The following CABIN1 variants were observed in gnomAD, a reference collection of about 807,000 sequenced individuals.
CABIN1 encodes the protein calcineurin-binding protein cabin-1.
A neutral mutation model predicts 227.7 loss-of-function variants in CABIN1; 133 were observed. The ratio of observed to expected loss-of-function variants is 0.58; its 90% CI spans 0.51 to 0.67. CABIN1 has a LOEUF of 0.67. Ranked by LOEUF, CABIN1 falls within the 30% of genes least tolerant of loss-of-function variation. CABIN1 has a pLI of 0.00. For synonymous variants in CABIN1, 1,086 were observed against 1,155.1 expected (o/e 0.94, Z 1.21); for missense variants, 2,408 against 2,852.5 (o/e 0.84, Z 3.55).
intron 8 of CABIN1, among the ~76,000 whole-genome samples, chr22:24,054,212 C>T (rs1223462229): frequency 2.0e-5 from 3 of 152,136 alleles, no homozygotes; most frequent in Non-Finnish European, 2.9e-5. Context: ...TTGTAGCATA[C>T]CACGCAGCAT....
intron 24 of CABIN1, among the ~76,000 whole-genome samples, chr22:24,092,473 A>G (rs2041609735): frequency 6.6e-6 from 1 of 152,168 alleles, no homozygotes; most frequent in South Asian, 2.1e-4. Flanking sequence ...GTAGGCAGGA[A>G]AACCAAGGAC....
intron 8 of CABIN1, among the ~76,000 whole-genome samples, chr22:24,052,090 GC>G (rs1242894007): frequency 6.6e-6 from 1 of 152,144 alleles, no homozygotes; most frequent in Non-Finnish European, 1.5e-5. Context: ...TTTTGGAAGG[GC>G]CCTGGGGTGC....
intron 10 of CABIN1, among the ~76,000 whole-genome samples, chr22:24,057,353 T>C (rs1462660073): frequency 1.3e-5 from 2 of 152,158 alleles, no homozygotes; most frequent in African/African-American, 4.8e-5. Context: ...TACTCCCCTT[T>C]CTCCTCCCTT....
intron 12 of CABIN1, among the ~76,000 whole-genome samples, chr22:24,061,123 A>G (rs1430786644): frequency 6.6e-6 from 1 of 152,170 alleles, no homozygotes; most frequent in Non-Finnish European, 1.5e-5. Context: ...CAGAAGCTAA[A>G]TAGCGTGCTT....
chr22:24,151,735 A>C (rs890799139), intron 29 of CABIN1, among the ~76,000 whole-genome samples: 1 of 151,954 alleles, frequency 6.6e-6, no homozygotes, highest in Admixed American at 6.6e-5. Context: ...TGTTCCCCAG[A>C]TTCCCTGCAA....
intron 1 of CABIN1, among the ~76,000 whole-genome samples, chr22:24,021,883 C>T (rs527851726): frequency 1.3e-5 from 2 of 152,236 alleles, no homozygotes; most frequent in African/African-American, 4.8e-5. Flanking sequence ...TGGGGTTTCA[C>T]CATGTTGGCC....
chr22:24,153,038 C>T (rs1569290058), intron 29 of CABIN1, among the ~76,000 whole-genome samples: 1 of 152,192 alleles, frequency 6.6e-6, no homozygotes, highest in Non-Finnish European at 1.5e-5. Context: ...ATGAGGTCCC[C>T]TGGGCAGCTC....
chr22:24,051,103 C>A, intron 8 of CABIN1, 129 bp downstream of exon 8: 1 of 1,172,158 alleles, frequency 8.5e-7, no homozygotes, highest in Non-Finnish European at 1.3e-6. Flanking sequence ...GGGCTGGGTG[C>A]ACAGTGGCCA....
intron 28 of CABIN1, among the ~76,000 whole-genome samples, chr22:24,131,198 G>C (rs2148132874): frequency 6.6e-6 from 1 of 152,282 alleles, no homozygotes; most frequent in South Asian, 2.1e-4. Context: ...GATGGCTACT[G>C]GAGATGCTTC....
chr22:24,058,964 AGCACAGTGCCTG>A (rs1484024052), intron 10 of CABIN1, among the ~76,000 whole-genome samples: 1 of 152,234 alleles, frequency 6.6e-6, no homozygotes, highest in Non-Finnish European at 1.5e-5. Context: ...TTTGGTGCCT[AGCACAGTGCCTG>A]GCACATAGCT....
intron 1 of CABIN1, among the ~76,000 whole-genome samples, chr22:24,032,480 C>A (rs770686214): frequency 6.6e-6 from 1 of 152,138 alleles, no homozygotes; most frequent in Non-Finnish European, 1.5e-5. Flanking sequence ...TCCCTGCTTT[C>A]ATTTATTTTG....
At chr22:24,016,261 G>T (rs1443089627) in intron 1 of CABIN1, among the ~76,000 whole-genome samples, 1 of 152,134 alleles carries the variant, frequency 6.6e-6, no homozygotes, top group Non-Finnish European at 1.5e-5. Context: ...GTGGTATTTT[G>T]TTACTGGCTT....
chr22:24,097,913 G>T, intron 25 of CABIN1, 101 bp from the exon 26 acceptor site: 2 of 1,468,564 alleles, frequency 1.4e-6, no homozygotes, highest in South Asian at 2.3e-5. Context: ...AGGTGCATGG[G>T]AGCAGTGGGC....
chr22:24,126,506 T>G (rs998653753), intron 28 of CABIN1, among the ~76,000 whole-genome samples: 1 of 151,846 alleles, frequency 6.6e-6, no homozygotes, highest in Non-Finnish European at 1.5e-5. Flanking sequence ...GACTAGAATC[T>G]GCTGGAAGCT....
chr22:24,029,100 T>TA (rs1360878288), intron 1 of CABIN1, among the ~76,000 whole-genome samples: 2 of 152,164 alleles, frequency 1.3e-5, no homozygotes, highest in African/African-American at 4.8e-5. Context: ...CTCATACCTA[T>TA]AACAGCACTT....
chr22:24,166,507 C>T, intron 31 of CABIN1, 132 bp from the exon 32 acceptor site: 1 of 1,117,470 alleles, frequency 8.9e-7, no homozygotes, highest in Non-Finnish European at 1.3e-6. Flanking sequence ...CAGCCCTGGC[C>T]AGCTGGCAGA....
In CABIN1 at chr22:24,091,752, A is replaced by C; in HGVS notation, c.3695A>C (p.Gln1232Pro). ...PPTVYLLHYR[Q>P]AGHYLHEEAA... ...ACCGTTTACTTGCTGCACTACAGGC[A>C]GGCTGGCCACTACCTGCACGAGGAG... Residue 1232 changes from glutamine (Q) to proline (P), a missense_variant, in exon 24 of 37, where the codon CAG becomes CCG. Around this residue, in one of 3 missense-constraint regions of CABIN1, gnomAD observed 649 missense variants for 910.3 expected, o/e 0.71. Coordinates refer to ENST00000263119, the MANE Select transcript of CABIN1 (RefSeq NM_012295.4). The C allele has an allele frequency of 1.2e-6, 2 of 1,614,082 alleles. No homozygotes were observed.
At chr22:24,068,121 A>C (rs1352079070) in intron 16 of CABIN1, among the ~76,000 whole-genome samples, 1 of 152,240 alleles carries the variant, frequency 6.6e-6, no homozygotes, top group Non-Finnish European at 1.5e-5. Context: ...GGAAATAGTT[A>C]AGAGGTGCGA....
intron 26 of CABIN1, among the ~76,000 whole-genome samples, chr22:24,099,055 C>CTATA (rs1358677637): frequency 1.3e-5 from 2 of 152,146 alleles, no homozygotes; most frequent in African/African-American, 2.4e-5. Context: ...GCCAGATAGT[C>CTATA]TTTATAGAGT....
Sources: gnomAD v4.1 joint callset for allele counts (sites outside exome capture counted in the v4.1 genomes callset) on GRCh38, gnomAD v4.1.1 for gene constraint, gnomAD v4.1.1 regional missense constraint, MANE v1.5 for transcripts, NCBI Gene and HGNC (gene_info 2026-07-23, HGNC 2026-07-21) for gene names.